The following HSP90AA1 variants were observed in gnomAD, a reference collection of about 807,000 sequenced individuals.
HSP90AA1 encodes heat shock protein HSP 90-alpha.
A neutral mutation model predicts 73.3 loss-of-function variants in HSP90AA1; 18 were observed. The ratio of observed to expected loss-of-function variants is 0.25; its 90% CI spans 0.17 to 0.36. The LOEUF (loss-of-function observed/expected upper bound fraction) is 0.36. HSP90AA1 is among the 10% of genes least tolerant of loss of function. The pLI is 1.00. For missense variants in HSP90AA1, 704 were observed against 874.2 expected (o/e 0.81, Z 2.45); for synonymous variants, 477 against 296.9 (o/e 1.61, Z -6.24).
intron 1 of HSP90AA1, among the ~76,000 whole-genome samples, chr14:102,131,426 A>C (rs1365475840): frequency 2.6e-5 from 4 of 152,164 alleles, no homozygotes; most frequent in Admixed American, 2.6e-4. Flanking sequence ...TAGCTTCCTT[A>C]GTGACCTTCC....
chr14:102,086,474 T>C, intron 1 of HSP90AA1, 96 bp from the exon 2 acceptor site: 2 of 1,408,586 alleles, frequency 1.4e-6, no homozygotes, highest in South Asian at 2.3e-5. Flanking sequence ...AAAGCCGAAT[T>C]GGAGATTTGC....
intron 1 of HSP90AA1, among the ~76,000 whole-genome samples, chr14:102,113,126 C>T (rs1026974100): frequency 5.9e-5 from 9 of 151,918 alleles, no homozygotes; most frequent in African/African-American, 1.5e-4. Flanking sequence ...CGGGTTCAAG[C>T]GATTCTCCTG....
chr14:102,128,623 C>T (rs1002685990), intron 1 of HSP90AA1, among the ~76,000 whole-genome samples: 11 of 120,562 alleles, frequency 9.1e-5, no homozygotes, highest in African/African-American at 2.7e-4. Flanking sequence ...AGCAAAACTC[C>T]GTCTCGGAAA....
chr14:102,102,397 T>C (rs2049505927), intron 1 of HSP90AA1, among the ~76,000 whole-genome samples: 1 of 152,142 alleles, frequency 6.6e-6, no homozygotes, highest in Non-Finnish European at 1.5e-5. Context: ...CAGCAAAAAC[T>C]AGAACTTAGT....
intron 2 of HSP90AA1, among the ~76,000 whole-genome samples, chr14:102,100,586 C>T (rs974784825): frequency 1.3e-5 from 2 of 152,128 alleles, no homozygotes; most frequent in African/African-American, 2.4e-5. Context: ...CCATCATGCC[C>T]GCCTAATTTT....
chr14:102,105,690 T>C (rs980808590), intron 1 of HSP90AA1, among the ~76,000 whole-genome samples: 15 of 152,312 alleles, frequency 9.8e-5, no homozygotes, highest in Admixed American at 6.5e-4. Context: ...GGGAAGGTCA[T>C]TCATTCTGAG....
At chr14:102,095,385 C>T (rs745930492) in intron 2 of HSP90AA1, among the ~76,000 whole-genome samples, 2 of 152,094 alleles carry the variant, frequency 1.3e-5, no homozygotes, top group East Asian at 3.9e-4. Flanking sequence ...TCACCCCTCA[C>T]CTGCAGGCCT....
chr14:102,088,911 T>TCTTTTC (rs35634414), upstream of HSP90AA1, among the ~76,000 whole-genome samples: 5 of 148,402 alleles, frequency 3.4e-5, no homozygotes, highest in Non-Finnish European at 4.5e-5. Context: ...TCTTTTCTTT[T>TCTTTTC]TTTTTTTTTT....
rs768815527 is a variant in HSP90AA1, at chr14:102,084,709, T to C, written c.953A>G (p.Asn318Ser). 6 of 1,613,908 alleles carry C rather than the reference T, an allele frequency of 3.7e-6. No homozygotes were observed. Among genetic ancestry groups the C allele is most frequent in the South Asian group, 3.3e-5 (3 of 91,052 alleles). The change falls in exon 5 of 11, where the codon AAT (asparagine) becomes AGT (serine). Residue 318 changes from asparagine to serine, a missense_variant. Physicochemically the swap from Asn to Ser is conservative, Grantham distance 46 (BLOSUM62 1). Coordinates refer to ENST00000216281, the MANE Select transcript of HSP90AA1 (RefSeq NM_005348.4). Reference sequence around the variant, plus strand: ...CACTGCCAAGTGATCTTCCCAGTCATTGGTCAAGCTCTTATAGAATTCTCC... The same window carrying C: ...CACTGCCAAGTGATCTTCCCAGTCACTGGTCAAGCTCTTATAGAATTCTCC... Reference protein sequence around the residue: ...EYGEFYKSLTNDWEDHLAVKH... With the variant: ...EYGEFYKSLTSDWEDHLAVKH...
chr14:102,135,000 A>G (rs1304961858), intron 1 of HSP90AA1, among the ~76,000 whole-genome samples: 1 of 149,586 alleles, frequency 6.7e-6, no homozygotes, highest in Non-Finnish European at 1.5e-5. Context: ...CAGATTAGTT[A>G]GATACAGAGT....
Position 102,085,016 on chromosome 14 carries a change from A to G in HSP90AA1, c.664-18T>C. The G allele has an allele frequency of 6.2e-6, 10 of 1,613,982 alleles. No homozygotes were observed. Among genetic ancestry groups the G allele is most frequent in the Non-Finnish European group, 8.5e-6 (10 of 1,179,924 alleles). ...TTCTCCACCTTCAAAAGAAAACACG[A>G]AATCACATCACTGCTGCACTCCAGA... On this transcript the variant is annotated intron_variant, in intron 4 of 10. Transcript: ENST00000216281.
upstream of HSP90AA1, chr14:102,087,273 G>A (rs1218610871): frequency 1.1e-5 from 6 of 542,576 alleles, no homozygotes; most frequent in Non-Finnish European, 1.4e-5. Flanking sequence ...TCGCCGCCGC[G>A]CGCCTCTCGC....
intron 1 of HSP90AA1, 149 bp downstream of exon 1, chr14:102,086,837 G>T: frequency 3.6e-6 from 1 of 279,268 alleles, no homozygotes; most frequent in Non-Finnish European, 5.4e-6. Context: ...CGGTCCCGAG[G>T]CCTCCGGAAT....
upstream of HSP90AA1, chr14:102,087,213 G>A (rs1158653539): frequency 2.1e-6 from 2 of 970,074 alleles, no homozygotes; most frequent in South Asian, 4.8e-5. Flanking sequence ...GCCTTCCTGC[G>A]GGCGCGCGCA....
At chr14:102,132,521 C>T (rs920962438) in intron 1 of HSP90AA1, among the ~76,000 whole-genome samples, 3 of 151,720 alleles carry the variant, frequency 2.0e-5, no homozygotes, top group African/African-American at 7.3e-5. Flanking sequence ...TACTTCCAGA[C>T]CAGGCAACAT....
chr14:102,088,843 C>G (rs374902551), upstream of HSP90AA1, among the ~76,000 whole-genome samples: 35 of 152,252 alleles, frequency 2.3e-4, no homozygotes, highest in African/African-American at 8.4e-4. Flanking sequence ...TGCCATTGCC[C>G]AGGGGGTTTG....
At chr14:102,121,862 T>G (rs1460519079) in intron 1 of HSP90AA1, among the ~76,000 whole-genome samples, 1 of 152,156 alleles carries the variant, frequency 6.6e-6, no homozygotes, top group Non-Finnish European at 1.5e-5. Context: ...TTGCTCGAAA[T>G]AAGTTTTTAT....
intron 2 of HSP90AA1, among the ~76,000 whole-genome samples, chr14:102,093,195 A>T (rs955542269): frequency 2.0e-4 from 30 of 149,174 alleles, no homozygotes; most frequent in Non-Finnish European, 3.4e-4. Context: ...AAAGTAAATT[A>T]AAAAATATAT....
chr14:102,099,783 C>A (rs964232295), intron 2 of HSP90AA1, among the ~76,000 whole-genome samples: 4 of 152,238 alleles, frequency 2.6e-5, no homozygotes. Flanking sequence ...CCCGTTAGTG[C>A]TACTGCCCAG....
Sources: allele counts gnomAD v4.1 joint callset (sites outside exome capture counted in the v4.1 genomes callset), GRCh38; gene constraint gnomAD v4.1.1; transcripts MANE v1.5; gene names NCBI Gene and HGNC (gene_info 2026-07-23, HGNC 2026-07-21).